PFKFB3: variants seen among roughly 807,000 people sequenced by gnomAD.
PFKFB3 encodes the protein 6-phosphofructo-2-kinase/fructose-2,6-biphosphatase 3.
Under a neutral mutation model 68.0 loss-of-function variants are expected in PFKFB3, and 33 were observed. The ratio of observed to expected loss-of-function variants is 0.49; its 90% CI spans 0.37 to 0.65. The LOEUF is 0.65. Ranked by LOEUF, PFKFB3 falls within the 30% of genes least tolerant of loss-of-function variation. PFKFB3 has a pLI of 0.00. For missense variants in PFKFB3, 586 were observed against 712.2 expected, an observed-to-expected ratio of 0.82 and a Z score of 2.02; for synonymous variants, 315 against 288.2, an observed-to-expected ratio of 1.09 and a Z score of -0.94.
At chr10:6,325,695 C>T in the PFKFB3 span, among the ~76,000 whole-genome samples, 1 of 152,126 alleles carries the variant, frequency 6.6e-6, no homozygotes, top group African/African-American at 2.4e-5. Context: ...TCCGTTAATG[C>T]TCAATTTAAA....
intron 14 of PFKFB3, among the ~76,000 whole-genome samples, chr10:6,230,876 C>T (rs189621119): frequency 7.2e-5 from 11 of 152,214 alleles, no homozygotes; most frequent in African/African-American, 1.9e-4. Flanking sequence ...CCACCATGCC[C>T]GGCTAATGTT....
At chr10:6,216,576 C>G in intron 4 of PFKFB3, 130 bp from the exon 5 acceptor site, 4 of 731,200 alleles carry the variant, frequency 5.5e-6, no homozygotes, top group Non-Finnish European at 9.7e-6. Flanking sequence ...TGTGGGCAGG[C>G]ACAAGCTCCC....
chr10:6,225,896 G>GCTGTGATCATCATTCTTTCCCTC (rs1845315841), intron 13 of PFKFB3, among the ~76,000 whole-genome samples: 2 of 152,162 alleles, frequency 1.3e-5, no homozygotes, highest in Non-Finnish European at 2.9e-5. Context: ...CTCACGCTCT[G>GCTGTGATCATCATTCTTTCCCTC]CTGTGATCAT....
downstream of PFKFB3, among the ~76,000 whole-genome samples, chr10:6,258,513 TTGAA>T (rs1270363246): frequency 6.6e-6 from 1 of 152,256 alleles, no homozygotes; most frequent in African/African-American, 2.4e-5. Flanking sequence ...GATGTTTCCC[TTGAA>T]TGAACAGCAC....
chr10:6,211,929 A>G (rs531087079), intron 1 of PFKFB3, among the ~76,000 whole-genome samples: 104 of 152,288 alleles, frequency 6.8e-4, no homozygotes, highest in African/African-American at 2.5e-3. Context: ...GATCCTGGAC[A>G]TTGACTTCAG....
downstream of PFKFB3, among the ~76,000 whole-genome samples, chr10:6,257,388 T>A (rs1369600665): frequency 1.3e-5 from 2 of 152,110 alleles, no homozygotes; most frequent in Non-Finnish European, 2.9e-5. Flanking sequence ...AGCACACGAG[T>A]CATTTATATT....
the PFKFB3 span, among the ~76,000 whole-genome samples, chr10:6,262,281 T>A: frequency 6.6e-6 from 1 of 151,014 alleles, no homozygotes; most frequent in South Asian, 2.1e-4. Context: ...GGTGAAACCC[T>A]GTCTCTACTA....
rs941822050 is a variant in PFKFB3 at position 6,233,089 on chromosome 10, T to A, written c.*147T>A. On this transcript the variant is annotated 3_prime_UTR_variant, in exon 15 of 15. Coordinates refer to ENST00000379775, the MANE Select transcript of PFKFB3 (RefSeq NM_004566.4). The stretch of plus-strand genomic sequence containing the variant: ...GAGCCTTGGCCGAAGAGAACCATGC[T>A]TGGCACCGTCTGTGTCCCCTCGGCC... 7.3e-6 allele frequency: 5 copies of A among 687,040 alleles called. No homozygotes were observed. Among genetic ancestry groups the A allele is most frequent in the Admixed American group, 2.1e-5 (1 of 46,792 alleles). The allele number at this position is 687,040 out of a possible 1,614,324, so 42.6% of individuals were successfully genotyped here.
chr10:6,247,030 A>G (rs1366068390), intron 14 of PFKFB3, among the ~76,000 whole-genome samples: 1 of 152,232 alleles, frequency 6.6e-6, no homozygotes, highest in African/African-American at 2.4e-5. Flanking sequence ...ACGAAGTCAG[A>G]TGAAGGGCCG....
At chr10:6,313,675 G>A in the PFKFB3 span, among the ~76,000 whole-genome samples, 7 of 152,182 alleles carry the variant, frequency 4.6e-5, no homozygotes, top group African/African-American at 1.7e-4. The surrounding 1 kb of genome is among the most constrained non-coding windows in gnomAD (Gnocchi z 4.2). Flanking sequence ...TCTGCCTCTA[G>A]ATGATGAGCT....
the PFKFB3 span, among the ~76,000 whole-genome samples, chr10:6,272,337 G>A: frequency 3.9e-5 from 6 of 152,128 alleles, no homozygotes; most frequent in East Asian, 1.9e-4. Context: ...TTAGGACATC[G>A]GGGTTTCTTA....
the PFKFB3 span, among the ~76,000 whole-genome samples, chr10:6,274,979 A>G: frequency 6.6e-6 from 1 of 152,192 alleles, no homozygotes; most frequent in Non-Finnish European, 1.5e-5. Flanking sequence ...GTTCCTGGCT[A>G]GTGGAGGAAA....
intron 1 of PFKFB3, among the ~76,000 whole-genome samples, chr10:6,184,714 C>T (rs1842822307): frequency 1.3e-5 from 2 of 151,754 alleles, no homozygotes; most frequent in South Asian, 2.1e-4. Flanking sequence ...TCAGGTGATC[C>T]ACCTGCCTCG....
At chr10:6,160,071 T>TA (rs398114019) in intron 1 of PFKFB3, among the ~76,000 whole-genome samples, 1 of 151,976 alleles carries the variant, frequency 6.6e-6, no homozygotes, top group African/African-American at 2.4e-5. Context: ...CGATACTTTT[T>TA]AAAATAAAAT....
intron 14 of PFKFB3, chr10:6,231,175 A>G (rs1564219044): frequency 2.2e-5 from 21 of 966,588 alleles, no homozygotes; most frequent in Non-Finnish European, 3.3e-5. Flanking sequence ...TAAAATTTCA[A>G]ATGCACACTA....
the PFKFB3 span, among the ~76,000 whole-genome samples, chr10:6,282,774 A>G: frequency 6.6e-6 from 1 of 152,296 alleles, no homozygotes; most frequent in South Asian, 2.1e-4. Flanking sequence ...ACTTGGCAAA[A>G]TTATGCCATA....
chr10:6,224,394 G>C, intron 13 of PFKFB3, 181 bp downstream of exon 13: 1 of 635,350 alleles, frequency 1.6e-6, no homozygotes, highest in South Asian at 1.8e-5. Flanking sequence ...GTGGCTTCTG[G>C]GGCCTTCTCA....
chr10:6,201,525 G>A (rs1843352203), upstream of PFKFB3, among the ~76,000 whole-genome samples: 1 of 150,556 alleles, frequency 6.6e-6, no homozygotes, highest in Non-Finnish European at 1.5e-5. This position sits in a 1 kb window ranked among gnomAD's most constrained non-coding sequence, Gnocchi z 4.1. Context: ...CGCGTTCCGG[G>A]GCCCCTCGGC....
At position 6,233,025 on chromosome 10, in the gene PFKFB3, G is replaced by C. The variant is rs1055502383; in HGVS notation, c.*83G>C. 3.7e-6 allele frequency: 4 copies of C among 1,086,988 alleles called. No homozygotes were observed. The highest frequency in any genetic ancestry group is 1.2e-5 in the South Asian group (1 of 80,114). 67.3% of individuals were successfully genotyped at this position (1,086,988 alleles called of 1,614,324 possible). The stretch of plus-strand genomic sequence containing the variant: ...CTCCGCCCGAGGCAAAACGTATCCT[G>C]AGGACTTCTTCCGGAGAGGGTGGGG... On this transcript the variant is annotated 3_prime_UTR_variant, in exon 15 of 15. Transcript: ENST00000379775.
Sources: allele counts gnomAD v4.1 joint callset (sites outside exome capture counted in the v4.1 genomes callset), GRCh38; gene constraint gnomAD v4.1.1; non-coding constraint Gnocchi (gnomAD v3.1); transcripts MANE v1.5; gene names NCBI Gene and HGNC (gene_info 2026-07-23, HGNC 2026-07-21).